Variants in H3-3A observed in about 807,000 individuals in gnomAD.
H3-3A encodes histone H3.3.
For synonymous variants in H3-3A, 49 were observed against 61.4 expected (o/e 0.80, Z 0.95); for missense variants, 7 against 184.0 (o/e 0.04, Z 5.57).
chr1:226,062,429 G>A (rs1320836994), upstream of H3-3A, among the ~76,000 whole-genome samples: 2 of 150,310 alleles, frequency 1.3e-5, no homozygotes, highest in South Asian at 2.1e-4. Flanking sequence ...GGGGGCGGGG[G>A]CTGGCCGGGT....
chr1:226,071,990 A>G lies in H3-3A; in HGVS notation c.*511A>G, dbSNP rs1031033956. ...GTTCCTGTAAGTTTGCTATTAAAAT[A>G]CATTAAACTATACCTGCTTTTGGTC... On this transcript the variant is annotated 3_prime_UTR_variant, in exon 4 of 4. Transcript: ENST00000366815. 2 of 217,446 alleles carry G rather than the reference A, an allele frequency of 9.2e-6. No individual in the cohort carries two copies. Among genetic ancestry groups the G allele is most frequent in the Non-Finnish European group, 1.9e-5 (2 of 107,892 alleles). 13.5% of individuals were successfully genotyped at this position (217,446 alleles called of 1,614,324 possible).
rs1210917265 is a variant in H3-3A, at chr1:226,071,906, TCTAA to T, written c.*430_*433del. ...AGATTCCATCCATTCACTATACTTT[TCTAA>T]CTGAGTTGTCCTACATGCAAGTACA... On this transcript the variant is annotated 3_prime_UTR_variant, in exon 4 of 4. Coordinates refer to ENST00000366815, the MANE Select transcript of H3-3A (RefSeq NM_002107.7). 1.0e-4 allele frequency: 22 copies of T among 216,704 alleles called. No individual in the cohort carries two copies. Among genetic ancestry groups the T allele is most frequent in the Admixed American group, 1.8e-4 (3 of 17,122 alleles). 13.4% of individuals were successfully genotyped at this position (216,704 alleles called of 1,614,324 possible).
intron 1 of H3-3A, chr1:226,064,082 G>A: frequency 3.5e-6 from 1 of 286,880 alleles, no homozygotes. Context: ...TTGTTTTGCC[G>A]TTTGTCGCTC....
At chr1:226,071,139 G>T (rs892180149) in intron 3 of H3-3A, among the ~76,000 whole-genome samples, 13 of 152,136 alleles carry the variant, frequency 8.5e-5, no homozygotes, top group African/African-American at 2.9e-4. Context: ...CTTGATAAAA[G>T]ATTTACTGAC....
At chr1:226,062,394 C>T (rs902647339), upstream of H3-3A, among the ~76,000 whole-genome samples, 4 of 151,214 alleles carry the variant, frequency 2.6e-5, no homozygotes, top group Admixed American at 1.3e-4. Flanking sequence ...CGTGCGCACA[C>T]GGAGCGGGAT....
At chr1:226,065,062 G>A (rs1051774731) in intron 2 of H3-3A, among the ~76,000 whole-genome samples, 3 of 152,220 alleles carry the variant, frequency 2.0e-5, no homozygotes, top group African/African-American at 4.8e-5. Flanking sequence ...TACAGTGGAA[G>A]AAATAAGTCA....
intron 3 of H3-3A, among the ~76,000 whole-genome samples, chr1:226,068,619 T>G (rs752065835): frequency 7.9e-5 from 12 of 152,232 alleles, no homozygotes; most frequent in Non-Finnish European, 1.5e-4. Context: ...TATTAAGGAC[T>G]TTTGCTTTTA....
chr1:226,065,637 CT>C lies in H3-3A; in HGVS notation c.129-16del. 1 of 1,522,532 alleles carries C rather than the reference CT, an allele frequency of 6.6e-7. No individual in the cohort carries two copies. Among genetic ancestry groups the C allele is most frequent in the Non-Finnish European group, 8.9e-7 (1 of 1,128,280 alleles). 94.3% of individuals were successfully genotyped at this position (1,522,532 alleles called of 1,614,324 possible). ...CTAGTTATGTTTTTGGTAACAGTTT[CT>C]TTATTAATTTTTTAAAGGCCTGGTA... On this transcript the variant is annotated intron_variant, in intron 2 of 3. Coordinates refer to ENST00000366815, the MANE Select transcript of H3-3A (RefSeq NM_002107.7).
intron 3 of H3-3A, 81 bp from the exon 4 acceptor site, chr1:226,071,270 C>T: frequency 1.7e-6 from 2 of 1,167,946 alleles, no homozygotes; most frequent in East Asian, 2.4e-5. Flanking sequence ...GTTCAAAAAC[C>T]TTTTTGTTTT....
rs749076733 is a variant in H3-3A at position 226,065,645 on chromosome 1, A to AT, written c.129-5dup. The AT allele has an allele frequency of 1.3e-6, 2 of 1,525,108 alleles. No individual in the cohort carries two copies. The highest frequency in any genetic ancestry group is 2.3e-5 in the East Asian group (1 of 43,872). 94.5% of individuals were successfully genotyped at this position (1,525,108 alleles called of 1,614,324 possible). On this transcript the variant is annotated splice_polypyrimidine_tract_variant and intron_variant, in intron 2 of 3. Coordinates refer to ENST00000366815, the MANE Select transcript of H3-3A (RefSeq NM_002107.7). The stretch of plus-strand genomic sequence containing the variant: ...GTTTTTGGTAACAGTTTCTTTATTA[A>AT]TTTTTTAAAGGCCTGGTACTGTGGC...
intron 3 of H3-3A, among the ~76,000 whole-genome samples, chr1:226,067,511 G>C (rs1032401500): frequency 2.6e-5 from 4 of 152,084 alleles, no homozygotes; most frequent in Non-Finnish European, 4.4e-5. Context: ...GGCTGAGGTG[G>C]GTAGATCACC....
At chr1:226,064,124 G>C in intron 1 of H3-3A, 1 of 429,690 alleles carries the variant, frequency 2.3e-6, no homozygotes, top group Admixed American at 4.1e-5. Flanking sequence ...GATTGATACT[G>C]CTAACAATTT....
intron 3 of H3-3A, among the ~76,000 whole-genome samples, chr1:226,069,209 G>A (rs1018403246): frequency 6.6e-6 from 1 of 152,054 alleles, no homozygotes; most frequent in Non-Finnish European, 1.5e-5. Flanking sequence ...ACCACGCCCA[G>A]CTACTTTTTG....
intron 3 of H3-3A, among the ~76,000 whole-genome samples, chr1:226,070,021 A>G (rs4653440): frequency 0.12 from 18,657 of 152,214 alleles, 1,602 homozygotes; most frequent in Admixed American, 0.25. Flanking sequence ...AAGTGGTAGT[A>G]GGAATAAGAT....
upstream of H3-3A, among the ~76,000 whole-genome samples, chr1:226,062,299 C>T (rs1416324623): frequency 6.7e-6 from 1 of 150,002 alleles, no homozygotes; most frequent in Non-Finnish European, 1.5e-5. Flanking sequence ...GCAGGCCGGG[C>T]GTTCACCCGC....
chr1:226,070,461 G>C (rs890415007), intron 3 of H3-3A, among the ~76,000 whole-genome samples: 2 of 150,012 alleles, frequency 1.3e-5, no homozygotes, highest in African/African-American at 4.9e-5. Flanking sequence ...AACAAAGAGA[G>C]ACTCCGTCTC....
chr1:226,069,947 G>A (rs1295202636), intron 3 of H3-3A, among the ~76,000 whole-genome samples: 5 of 152,190 alleles, frequency 3.3e-5, no homozygotes, highest in Admixed American at 6.5e-5. Context: ...ATTCTAAGTG[G>A]AAACGCCCCT....
chr1:226,066,161 A>G, intron 3 of H3-3A: 2 of 372,438 alleles, frequency 5.4e-6, no homozygotes, highest in Admixed American at 4.2e-5. Flanking sequence ...CTATATTTGT[A>G]GTAACAATTT....
intron 3 of H3-3A, among the ~76,000 whole-genome samples, chr1:226,070,328 C>T (rs1338729380): frequency 6.6e-6 from 1 of 151,188 alleles, no homozygotes; most frequent in Non-Finnish European, 1.5e-5. Flanking sequence ...GAAAATTAGT[C>T]AGGCGTGGTG....
Sources: allele counts gnomAD v4.1 joint callset (sites outside exome capture counted in the v4.1 genomes callset), GRCh38; gene constraint gnomAD v4.1.1; transcripts MANE v1.5; gene names NCBI Gene and HGNC (gene_info 2026-07-23, HGNC 2026-07-21).